The following SYNE1 variants were observed in gnomAD, a reference collection of about 807,000 sequenced individuals.
SYNE1 encodes nesprin-1.
A neutral mutation model predicts 1,111.0 loss-of-function variants in SYNE1; 616 were observed. The observed-to-expected ratio is 0.55, with a 90% CI of 0.52 to 0.59. The LOEUF (loss-of-function observed/expected upper bound fraction) is 0.59. SYNE1 is among the 20% of genes least tolerant of loss of function. SYNE1 has a pLI of 0.00. For synonymous variants in SYNE1, 3,855 were observed against 3,825.8 expected (o/e 1.01, Z -0.28); for missense variants, 10,006 against 10,417.0 (o/e 0.96, Z 1.72).
In SYNE1 at chr6:152,149,900, G is replaced by A. The variant is rs528893753; in HGVS notation, c.24451-232C>T. Among the ~76,000 whole-genome samples the A allele has an allele frequency of 3.7e-4, 57 of 152,270 alleles. No homozygotes were observed. In the Middle Eastern group the frequency reaches 0.01, roughly 27 times the overall value. ...ATTCGAATTCCATGATCAGAAAAGC[G>A]CTTTTGGCTAATAAAATTTACCATC... On this transcript the variant is annotated intron_variant, in intron 135 of 145. Transcript: ENST00000367255.
At chr6:152,604,460 C>G (rs1425340129) in intron 3 of SYNE1, among the ~76,000 whole-genome samples, 2 of 151,832 alleles carry the variant, frequency 1.3e-5, no homozygotes, top group Non-Finnish European at 2.9e-5. Context: ...TGCACCACCT[C>G]ATCTGGCTAA....
intron 61 of SYNE1, chr6:152,368,255 G>T (rs1353854653): frequency 2.0e-5 from 3 of 152,422 alleles, no homozygotes; most frequent in African/African-American, 7.2e-5. Flanking sequence ...AAGGTTATAA[G>T]CCACATAAAG....
intron 49 of SYNE1, 41 bp from the exon 50 acceptor site, chr6:152,397,021 C>T (rs1307781047): frequency 6.3e-7 from 1 of 1,588,674 alleles, no homozygotes. Flanking sequence ...TGGGACTATG[C>T]ATTACAATTG....
intron 6 of SYNE1, among the ~76,000 whole-genome samples, chr6:152,512,415 C>T (rs2099089472): frequency 6.6e-6 from 1 of 152,252 alleles, no homozygotes; most frequent in Middle Eastern, 3.4e-3. Context: ...AAAGAATCTA[C>T]TATGATCTCT....
chr6:152,456,734 T>G (rs2098698890), intron 22 of SYNE1: 1 of 450,734 alleles, frequency 2.2e-6, no homozygotes, highest in South Asian at 1.6e-5. Context: ...TGGAAATCAT[T>G]GAGCCCAGCA....
At position 152,363,974 on chromosome 6, in the gene SYNE1, C is replaced by T. The variant is rs529273700; in HGVS notation, c.10145+873G>A. Among the ~76,000 whole-genome samples, 219 of 152,262 alleles carry T rather than the reference C, an allele frequency of 1.4e-3. 1 individual carries two copies. The highest frequency in any genetic ancestry group is 5.0e-3 in the African/African-American group (207 of 41,542). ...TACCTGATATGGTTAAGCTCTGTGTCCCCACCCAAATATCATCTTGAATTG... is the reference window on the plus strand; with the variant it reads ...TACCTGATATGGTTAAGCTCTGTGTTCCCACCCAAATATCATCTTGAATTG... On this transcript the variant is annotated intron_variant, in intron 63 of 145. Transcript: ENST00000367255.
chr6:152,628,422 T>C lies in SYNE1; in HGVS notation c.-91A>G. ...CACTCTAGAAAACATGCTTGGACTT[T>C]TCTAGATCTATTCTGTCATAAATGA... On this transcript the variant is annotated 5_prime_UTR_variant, in exon 3 of 146. Transcript: ENST00000367255. 2 of 1,278,526 alleles carry C rather than the reference T, an allele frequency of 1.6e-6. No homozygotes were observed. Among genetic ancestry groups the C allele is most frequent in the Non-Finnish European group, 2.3e-6 (2 of 875,568 alleles). The allele number at this position is 1,278,526 out of a possible 1,614,324, so 79.2% of individuals were successfully genotyped here.
chr6:152,319,079 A>G (rs1324939353), intron 84 of SYNE1, 64 bp from the exon 85 acceptor site: 7 of 1,594,716 alleles, frequency 4.4e-6, no homozygotes, highest in Non-Finnish European at 6.0e-6. Flanking sequence ...GATACTAAAA[A>G]TCTCAAATGA....
chr6:152,189,063 G>A (rs1252501268), intron 128 of SYNE1, among the ~76,000 whole-genome samples, 189 bp downstream of exon 128: 6 of 134,864 alleles, frequency 4.4e-5, no homozygotes, highest in African/African-American at 8.2e-5. Context: ...TCCAGTTTAG[G>A]TTTTTCTAAA....
At chr6:152,242,093 A>C (rs1165975366) in intron 107 of SYNE1, 147 bp downstream of exon 107, 1 of 756,484 alleles carries the variant, frequency 1.3e-6, no homozygotes, top group Admixed American at 2.1e-5. Context: ...TTTGAATATA[A>C]ATTTTTTGGC....
intron 3 of SYNE1, among the ~76,000 whole-genome samples, chr6:152,580,438 A>G (rs866960431): frequency 1.1e-4 from 17 of 152,220 alleles, no homozygotes; most frequent in Middle Eastern, 3.4e-3. Context: ...ATGGTTTGCA[A>G]ATATTTTCTC....
chr6:152,384,839 C>T (rs1032007130), intron 55 of SYNE1, among the ~76,000 whole-genome samples: 1 of 150,634 alleles, frequency 6.6e-6, no homozygotes, highest in Non-Finnish European at 1.5e-5. Context: ...AAGATCGTGC[C>T]ACTGCACTCC....
chr6:152,370,909 A>T (rs1044038571), intron 59 of SYNE1, among the ~76,000 whole-genome samples: 1 of 152,216 alleles, frequency 6.6e-6, no homozygotes, highest in African/African-American at 2.4e-5. Context: ...TGTAAGAATC[A>T]TTTGAAAAGT....
chr6:152,453,859 T>A lies in SYNE1; in HGVS notation c.2893-139A>T. On this transcript the variant is annotated intron_variant, in intron 24 of 145. Transcript: ENST00000367255. ...CAGACTTCCAGGCACCCACTATTGT[T>A]TTTTAAGGATGAACTATGTGCACCT... The A allele has an allele frequency of 2.0e-6, 2 of 980,856 alleles. 1 individual carries two copies. Among genetic ancestry groups the A allele is most frequent in the South Asian group, 2.7e-5 (2 of 72,896 alleles). 60.8% of individuals were successfully genotyped at this position (980,856 alleles called of 1,614,324 possible). A position where few individuals can be genotyped will look rare whatever the true frequency, so the allele number is the denominator to read the frequency against.
intron 3 of SYNE1, among the ~76,000 whole-genome samples, chr6:152,598,904 C>T (rs1395141409): frequency 6.6e-6 from 1 of 152,096 alleles, no homozygotes; most frequent in Non-Finnish European, 1.5e-5. Flanking sequence ...TGTTTTGCTG[C>T]TGTTCATCTT....
At chr6:152,561,628 G>A (rs1038964043) in intron 3 of SYNE1, among the ~76,000 whole-genome samples, 1 of 151,996 alleles carries the variant, frequency 6.6e-6, no homozygotes, top group African/African-American at 2.4e-5. Context: ...TAAGGAAAAA[G>A]AACAAAGCTG....
rs1468760951 is a variant in SYNE1, at chr6:152,510,284, G to T, written c.490C>A (p.Pro164Thr). 1.2e-6 allele frequency: 2 copies of T among 1,614,024 alleles called. No individual in the cohort carries two copies. Among genetic ancestry groups the T allele is most frequent in the Non-Finnish European group, 1.7e-6 (2 of 1,179,988 alleles). Residue 164 changes from proline (P) to threonine (T), a missense_variant, in exon 8 of 146, where the codon CCC becomes ACC. Transcript: ENST00000367255. ...ACCTTCCGTTTACTTGGTGGGCTGG[G>T]AGTCTCAGAGCTAACTATGCTGTCC... The part of the protein sequence containing the change: ...SVDSIVSSET[P>T]SPPSKRKVTT...
chr6:152,180,637 G>A (rs775353229), intron 128 of SYNE1, among the ~76,000 whole-genome samples: 1 of 149,654 alleles, frequency 6.7e-6, no homozygotes, highest in Admixed American at 6.7e-5. Context: ...GGAAGTAAAA[G>A]GAAAGAGAGA....
intron 124 of SYNE1, among the ~76,000 whole-genome samples, chr6:152,209,477 C>T (rs181191582): frequency 4.6e-5 from 7 of 152,164 alleles, no homozygotes; most frequent in South Asian, 2.1e-4. Context: ...GGGCCGGGCC[C>T]GGTGACTCAC....
Sources: allele counts gnomAD v4.1 joint callset (sites outside exome capture counted in the v4.1 genomes callset), GRCh38; gene constraint gnomAD v4.1.1; transcripts MANE v1.5; gene names NCBI Gene and HGNC (gene_info 2026-07-23, HGNC 2026-07-21).